Variants in SPOCK3 observed in about 807,000 individuals in gnomAD.
SPOCK3 encodes the protein testican-3.
A neutral mutation model predicts 56.6 loss-of-function variants in SPOCK3; 30 were observed. The ratio of observed to expected loss-of-function variants is 0.53; its 90% CI spans 0.40 to 0.72. The LOEUF (loss-of-function observed/expected upper bound fraction) is 0.72, where lower values mean the gene tolerates loss of function less well. Among genes scored for constraint, SPOCK3 ranks in the 30% least tolerant of loss-of-function variants. SPOCK3 has a pLI of 0.00. For synonymous variants in SPOCK3, 196 were observed against 183.3 expected (o/e 1.07, Z -0.56); for missense variants, 527 against 530.0 (o/e 0.99, Z 0.06).
rs1420426220 is a variant in SPOCK3, at chr4:167,032,330, T to C, written c.235+30162A>G. On this transcript the variant is annotated intron_variant, in intron 3 of 10. Transcript: ENST00000357545. The stretch of plus-strand genomic sequence containing the variant: ...TCAGCTAGAGCTCCAGAGGCAAAAA[T>C]TGAGGTGGTAATTATTTCTAGGCAT... Among the ~76,000 whole-genome samples, 4 of 151,928 alleles carry C rather than the reference T, an allele frequency of 2.6e-5. No individual in the cohort carries two copies. In the South Asian group the frequency reaches 6.2e-4, roughly 24 times the overall value.
intron 2 of SPOCK3, among the ~76,000 whole-genome samples, chr4:167,078,024 T>C (rs951617693): frequency 6.6e-6 from 1 of 151,930 alleles, no homozygotes; most frequent in Non-Finnish European, 1.5e-5. Flanking sequence ...ATTTACATTC[T>C]ATAGAGAGTC....
At chr4:166,819,220 C>T (rs1744677925) in intron 6 of SPOCK3, among the ~76,000 whole-genome samples, 1 of 151,976 alleles carries the variant, frequency 6.6e-6, no homozygotes, top group Non-Finnish European at 1.5e-5. Context: ...AGGGAGCTTC[C>T]TCAATCTGAC....
chr4:167,039,664 C>T (rs1217740025), intron 3 of SPOCK3, among the ~76,000 whole-genome samples: 5 of 68,394 alleles, frequency 7.3e-5, no homozygotes, highest in Non-Finnish European at 1.4e-4. Flanking sequence ...GCTCCTACCT[C>T]CATTTACTAA....
intron 6 of SPOCK3, among the ~76,000 whole-genome samples, chr4:166,829,217 C>G (rs777804493): frequency 6.6e-6 from 1 of 151,850 alleles, no homozygotes; most frequent in Non-Finnish European, 1.5e-5. Context: ...TAACATGGCT[C>G]GACACATCCA....
intron 6 of SPOCK3, among the ~76,000 whole-genome samples, chr4:166,802,795 AC>A (rs1347558025): frequency 6.6e-6 from 1 of 152,132 alleles, no homozygotes; most frequent in African/African-American, 2.4e-5. Flanking sequence ...ACACATATAC[AC>A]ACACATACAT....
intron 2 of SPOCK3, among the ~76,000 whole-genome samples, chr4:167,211,401 G>A (rs1040744313): frequency 1.2e-4 from 19 of 152,114 alleles, no homozygotes; most frequent in African/African-American, 4.6e-4. Flanking sequence ...GGGAAGGCAC[G>A]ATTGGTTTTG....
chr4:167,014,597 G>A (rs1750422482), intron 3 of SPOCK3, among the ~76,000 whole-genome samples: 1 of 152,136 alleles, frequency 6.6e-6, no homozygotes, highest in South Asian at 2.1e-4. Flanking sequence ...CGAGGGTGCA[G>A]TGAGCTATGA....
chr4:167,052,364 C>A (rs1402319166), intron 3 of SPOCK3, among the ~76,000 whole-genome samples: 1 of 152,092 alleles, frequency 6.6e-6, no homozygotes, highest in Non-Finnish European at 1.5e-5. Flanking sequence ...ATACAAAGGA[C>A]TTCTATGATC....
rs188702023 is a variant in SPOCK3 at position 166,979,310 on chromosome 4, C to T, written c.350+21039G>A. ...TCTTTCTCCTGCACCATAAATCTCT[C>T]TTGCTTTACTGAACTCCCCGTCAAT... is the stretch of plus-strand genomic sequence containing the variant. On this transcript the variant is annotated intron_variant, in intron 4 of 10. Coordinates refer to ENST00000357545, the MANE Select transcript of SPOCK3 (RefSeq NM_001040159.2). 3.6e-4 allele frequency among the ~76,000 whole-genome samples: 55 copies of T among 152,200 alleles called. 1 individual carries two copies. The highest frequency in any genetic ancestry group is 6.9e-4 in the Non-Finnish European group (47 of 68,026).
chr4:167,008,697 A>G (rs1749702794), intron 3 of SPOCK3, among the ~76,000 whole-genome samples: 1 of 152,124 alleles, frequency 6.6e-6, no homozygotes, highest in African/African-American at 2.4e-5. Flanking sequence ...CGCAACATGG[A>G]TACAGCTGGA....
chr4:167,165,889 A>G (rs1001359127), intron 2 of SPOCK3, among the ~76,000 whole-genome samples: 2 of 152,194 alleles, frequency 1.3e-5, no homozygotes, highest in African/African-American at 4.8e-5. Flanking sequence ...TATGTGAACT[A>G]AAGAAATATA....
chr4:166,789,697 T>C (rs912305959), intron 7 of SPOCK3, among the ~76,000 whole-genome samples: 1 of 152,178 alleles, frequency 6.6e-6, no homozygotes, highest in African/African-American at 2.4e-5. Flanking sequence ...AATTCACTAC[T>C]AATAAATAAA....
intron 2 of SPOCK3, among the ~76,000 whole-genome samples, chr4:167,069,716 T>G (rs2150262745): frequency 6.6e-6 from 1 of 152,062 alleles, no homozygotes; most frequent in African/African-American, 2.4e-5. Flanking sequence ...TTGCTGTAAT[T>G]AATCACGCAA....
chr4:166,811,736 A>C (rs1361929223), intron 6 of SPOCK3, among the ~76,000 whole-genome samples: 1 of 151,892 alleles, frequency 6.6e-6, no homozygotes, highest in Admixed American at 6.6e-5. Context: ...TATTATTTGC[A>C]ATACAGTATA....
rs1249774110 is a variant in SPOCK3, at chr4:166,742,001, G to C, written c.990C>G (p.Leu330=). ...GAAGAATGATCTATTACTCACCTAG[G>C]AGCTTCTTTACCCCTTGCCGCTTCT... is the stretch of plus-strand genomic sequence containing the variant. ...NIQKRQGVKK[L]LGQYIPLCDE... Residue 330 remains leucine (L), a synonymous_variant, in exon 9 of 11, where the codon CTC becomes CTG. Transcript: ENST00000357545. 1 of 1,610,446 alleles carries C rather than the reference G, an allele frequency of 6.2e-7. No homozygotes were observed. The highest frequency in any genetic ancestry group is 2.2e-5 in the East Asian group (1 of 44,744).
intron 2 of SPOCK3, among the ~76,000 whole-genome samples, chr4:167,222,862 T>C (rs1174328205): frequency 1.0e-4 from 13 of 127,754 alleles, no homozygotes; most frequent in Admixed American, 9.2e-4. Flanking sequence ...TATAAATATA[T>C]AAACATAGAT....
chr4:166,956,704 C>T (rs1250074662), intron 4 of SPOCK3, among the ~76,000 whole-genome samples: 1 of 152,054 alleles, frequency 6.6e-6, no homozygotes, highest in Admixed American at 6.6e-5. Flanking sequence ...TGTAGAATCT[C>T]CATATTCTCA....
intron 7 of SPOCK3, among the ~76,000 whole-genome samples, chr4:166,774,298 C>A (rs1366485186): frequency 9.2e-5 from 14 of 152,180 alleles, no homozygotes; most frequent in Admixed American, 6.5e-5. Flanking sequence ...AAATTGATAA[C>A]TGTCTTAGGA....
At chr4:166,784,648 T>A (rs1201219193) in intron 7 of SPOCK3, among the ~76,000 whole-genome samples, 1 of 152,212 alleles carries the variant, frequency 6.6e-6, no homozygotes, top group Admixed American at 6.5e-5. Flanking sequence ...CATTAAAATG[T>A]GGCATTGTTT....
Sources: gnomAD v4.1 joint callset for allele counts (sites outside exome capture counted in the v4.1 genomes callset) on GRCh38, gnomAD v4.1.1 for gene constraint, MANE v1.5 for transcripts, NCBI Gene and HGNC (gene_info 2026-07-23, HGNC 2026-07-21) for gene names.